ERBB4: variants seen among roughly 807,000 people sequenced by gnomAD.
ERBB4 encodes the protein receptor tyrosine-protein kinase erbB-4.
In ERBB4, 42 loss-of-function variants were observed where a neutral mutation model predicts 158.0. The observed-to-expected ratio is 0.27, with a 90% CI of 0.21 to 0.34. The LOEUF (loss-of-function observed/expected upper bound fraction) is 0.34. Ranked by LOEUF, ERBB4 falls within the 10% of genes least tolerant of loss-of-function variation. The pLI is 1.00. For missense variants in ERBB4, 1,333 were observed against 1,624.1 expected (o/e 0.82, Z 3.08); for synonymous variants, 583 against 558.7 (o/e 1.04, Z -0.61).
At chr2:212,139,878 G>T (rs4673651) in intron 1 of ERBB4, among the ~76,000 whole-genome samples, 4,314 of 151,806 alleles carry the variant, frequency 0.028, 143 homozygotes, top group African/African-American at 0.078. Context: ...CTCATTTTCA[G>T]TTCCTGACAC....
chr2:212,028,409 T>C (rs1192943129), intron 2 of ERBB4, among the ~76,000 whole-genome samples: 1 of 152,156 alleles, frequency 6.6e-6, no homozygotes, highest in Non-Finnish European at 1.5e-5. Flanking sequence ...ACAAAGACAA[T>C]GATGTCTTCC....
At chr2:211,845,289 A>T (rs1186560672) in intron 3 of ERBB4, among the ~76,000 whole-genome samples, 1 of 151,864 alleles carries the variant, frequency 6.6e-6, no homozygotes, top group African/African-American at 2.4e-5. Flanking sequence ...CCACATCAGA[A>T]TTGGTAAAAG....
intron 19 of ERBB4, among the ~76,000 whole-genome samples, chr2:211,581,259 A>G (rs1164692498): frequency 6.6e-6 from 1 of 151,986 alleles, no homozygotes; most frequent in African/African-American, 2.4e-5. Context: ...TCCCCCAATA[A>G]CCTATGGAAA....
chr2:211,954,939 T>C (rs1484102073), intron 2 of ERBB4, among the ~76,000 whole-genome samples: 2 of 152,116 alleles, frequency 1.3e-5, no homozygotes, highest in Non-Finnish European at 2.9e-5. Context: ...CTTGTAGAGA[T>C]AGTATGTTTG....
At chr2:211,480,204 C>G (rs9631003) in intron 20 of ERBB4, among the ~76,000 whole-genome samples, 3,104 of 152,212 alleles carry the variant, frequency 0.02, 106 homozygotes, top group African/African-American at 0.071. Flanking sequence ...TGTCATTCCA[C>G]CTACTTCTCT....
chr2:212,351,414 C>CT (rs2089246968), intron 1 of ERBB4, among the ~76,000 whole-genome samples: 1 of 152,270 alleles, frequency 6.6e-6, no homozygotes, highest in African/African-American at 2.4e-5. Flanking sequence ...GTTATGGCAG[C>CT]TTTAGCAAAC....
At chr2:211,564,090 A>T (rs922425634) in intron 19 of ERBB4, among the ~76,000 whole-genome samples, 3 of 152,214 alleles carry the variant, frequency 2.0e-5, no homozygotes, top group African/African-American at 7.2e-5. Context: ...TTAATTTTAA[A>T]AGACAGACAC....
At chr2:211,550,158 T>A (rs1467592274) in intron 20 of ERBB4, among the ~76,000 whole-genome samples, 1 of 152,148 alleles carries the variant, frequency 6.6e-6, no homozygotes, top group African/African-American at 2.4e-5. Context: ...TCCCCATTTT[T>A]GTGTATGTGT....
chr2:211,618,838 G>T (rs1043069462), intron 19 of ERBB4, among the ~76,000 whole-genome samples: 1 of 151,944 alleles, frequency 6.6e-6, no homozygotes, highest in African/African-American at 2.4e-5. Context: ...ATTATGTATT[G>T]CTCTCACTGG....
intron 1 of ERBB4, among the ~76,000 whole-genome samples, chr2:212,249,761 C>A (rs2084459297): frequency 6.6e-6 from 1 of 151,952 alleles, no homozygotes; most frequent in South Asian, 2.1e-4. Context: ...TAATAGGAAG[C>A]AAACATTGTA....
At chr2:211,403,887 C>T (rs1280848793) in intron 25 of ERBB4, among the ~76,000 whole-genome samples, 1 of 152,104 alleles carries the variant, frequency 6.6e-6, no homozygotes, top group Non-Finnish European at 1.5e-5. Context: ...ATTTTACAAG[C>T]TTCTCAACCT....
chr2:211,828,116 C>G (rs1339507685), intron 3 of ERBB4, among the ~76,000 whole-genome samples: 1 of 152,060 alleles, frequency 6.6e-6, no homozygotes, highest in Non-Finnish European at 1.5e-5. Context: ...GGAATGTGAA[C>G]AATATCAATG....
At chr2:212,141,147 A>T (rs1212583571) in intron 1 of ERBB4, among the ~76,000 whole-genome samples, 1 of 151,976 alleles carries the variant, frequency 6.6e-6, no homozygotes, top group Non-Finnish European at 1.5e-5. Flanking sequence ...CATAAACAAG[A>T]TGAAATACTT....
intron 12 of ERBB4, among the ~76,000 whole-genome samples, chr2:211,684,662 T>C (rs1345963527): frequency 1.3e-5 from 2 of 152,180 alleles, no homozygotes; most frequent in Non-Finnish European, 2.9e-5. Flanking sequence ...TTATGAAACA[T>C]TAGGTTTTGC....
chr2:211,944,229 A>C (rs1177012466), intron 3 of ERBB4, among the ~76,000 whole-genome samples: 8 of 139,400 alleles, frequency 5.7e-5, no homozygotes, highest in African/African-American at 1.1e-4. Context: ...CACACACAAA[A>C]AAAAAGAACA....
intron 5 of ERBB4, among the ~76,000 whole-genome samples, chr2:211,745,502 G>A (rs1290287131): frequency 6.6e-6 from 1 of 152,078 alleles, no homozygotes; most frequent in East Asian, 1.9e-4. Context: ...GCCACCAGGT[G>A]TCAGTAGACT....
rs139764780 is a variant in ERBB4, at chr2:212,257,726, A to C, written c.83-132823T>G. 1.2e-3 allele frequency among the ~76,000 whole-genome samples: 187 copies of C among 152,290 alleles called. 4 individuals carry two copies. In the East Asian group the frequency reaches 0.026, roughly 21 times the overall value. On this transcript the variant is annotated intron_variant, in intron 1 of 27. Transcript: ENST00000342788. ...TAAAATTCAACTCTCTTAATGAAGCAAGTAAACAAACTTCTTTGCACTTTG... is the reference window on the plus strand; with the variant it reads ...TAAAATTCAACTCTCTTAATGAAGCCAGTAAACAAACTTCTTTGCACTTTG...
intron 20 of ERBB4, among the ~76,000 whole-genome samples, chr2:211,443,795 T>C (rs968358320): frequency 4.2e-4 from 64 of 152,208 alleles, no homozygotes; most frequent in Admixed American, 2.2e-3. Context: ...ATAATAATAA[T>C]ACTTATCTCA....
At chr2:212,197,344 T>C (rs901157065) in intron 1 of ERBB4, among the ~76,000 whole-genome samples, 2 of 152,198 alleles carry the variant, frequency 1.3e-5, no homozygotes, top group African/African-American at 2.4e-5. Context: ...TAAATAAATT[T>C]TGGAGCCAAT....
Sources: allele counts gnomAD v4.1 joint callset (sites outside exome capture counted in the v4.1 genomes callset), GRCh38; gene constraint gnomAD v4.1.1; transcripts MANE v1.5; gene names NCBI Gene and HGNC (gene_info 2026-07-23, HGNC 2026-07-21).